Variants in DPP10 observed in about 807,000 individuals in gnomAD.
The protein encoded by DPP10 is dipeptidyl peptidase like 10.
Under a neutral mutation model 120.9 loss-of-function variants are expected in DPP10, and 33 were observed. The observed-to-expected ratio is 0.27, with a 90% CI of 0.21 to 0.37. DPP10 has a LOEUF of 0.37. Ranked by LOEUF, DPP10 falls within the 10% of genes least tolerant of loss-of-function variation. DPP10 has a pLI of 1.00. For synonymous variants in DPP10, 337 were observed against 326.1 expected, an observed-to-expected ratio of 1.03 and a Z score of -0.36; for missense variants, 816 against 942.8, an observed-to-expected ratio of 0.87 and a Z score of 1.76.
At chr2:114,733,569 G>A (rs1273881780) in intron 1 of DPP10, among the ~76,000 whole-genome samples, 1 of 152,036 alleles carries the variant, frequency 6.6e-6, no homozygotes, top group African/African-American at 2.4e-5. Context: ...TTGTTCTTTT[G>A]TTTAAAATGC....
chr2:114,735,636 CAA>C (rs1677354553), intron 1 of DPP10, among the ~76,000 whole-genome samples: 1 of 152,118 alleles, frequency 6.6e-6, no homozygotes, highest in Admixed American at 6.6e-5. Context: ...GCGTCACCCT[CAA>C]AGAGGTGAAA....
chr2:115,242,809 C>G (rs982031019), intron 1 of DPP10, among the ~76,000 whole-genome samples: 5 of 151,936 alleles, frequency 3.3e-5, no homozygotes, highest in African/African-American at 1.2e-4. Flanking sequence ...TTAGCTCCCA[C>G]TTATAACTGG....
intron 1 of DPP10, among the ~76,000 whole-genome samples, chr2:114,767,098 A>G (rs1279933049): frequency 6.9e-6 from 1 of 144,544 alleles, no homozygotes; most frequent in Non-Finnish European, 1.5e-5. Context: ...ACTACATCAA[A>G]ACTAGAAAAA....
chr2:114,742,005 A>G (rs1678114877), intron 1 of DPP10, among the ~76,000 whole-genome samples: 1 of 152,230 alleles, frequency 6.6e-6, no homozygotes, highest in Admixed American at 6.5e-5. Flanking sequence ...TCAACAAACC[A>G]GTTGCCTAAA....
intron 1 of DPP10, among the ~76,000 whole-genome samples, chr2:114,840,131 G>A (rs910617620): frequency 2.6e-5 from 4 of 152,180 alleles, no homozygotes; most frequent in African/African-American, 7.2e-5. Context: ...TCAGTATGCA[G>A]TATCAATTTT....
At chr2:114,742,473 C>A (rs576883019) in intron 1 of DPP10, among the ~76,000 whole-genome samples, 2 of 152,270 alleles carry the variant, frequency 1.3e-5, no homozygotes, top group African/African-American at 4.8e-5. Flanking sequence ...TCTTGCATCA[C>A]AATTAATAGC....
chr2:115,369,899 C>T (rs1018676521), intron 3 of DPP10, among the ~76,000 whole-genome samples: 2 of 152,008 alleles, frequency 1.3e-5, no homozygotes, highest in African/African-American at 4.8e-5. Flanking sequence ...TTATGTTAAT[C>T]CTTGTAAATC....
intron 1 of DPP10, among the ~76,000 whole-genome samples, chr2:114,591,348 A>T (rs951042947): frequency 1.1e-4 from 16 of 152,142 alleles, no homozygotes; most frequent in African/African-American, 3.9e-4. Context: ...TAGTAAAGCA[A>T]AGTCATGGGT....
chr2:114,581,631 C>T (rs1690535893), intron 1 of DPP10, among the ~76,000 whole-genome samples: 1 of 152,100 alleles, frequency 6.6e-6, no homozygotes, highest in Non-Finnish European at 1.5e-5. Flanking sequence ...TTTATAGTTA[C>T]TCTTTGGGAT....
intron 1 of DPP10, among the ~76,000 whole-genome samples, chr2:114,731,886 C>T (rs1268396694): frequency 6.6e-6 from 1 of 152,128 alleles, no homozygotes; most frequent in Non-Finnish European, 1.5e-5. Flanking sequence ...TAGGAGTGAT[C>T]ACTACAGCCT....
chr2:115,173,373 A>T (rs2053489314), intron 1 of DPP10, among the ~76,000 whole-genome samples: 2 of 152,356 alleles, frequency 1.3e-5, no homozygotes, highest in South Asian at 4.1e-4. Context: ...CCATCATGAT[A>T]TAAAATTGCT....
chr2:115,392,179 T>G (rs1025515527), intron 3 of DPP10, among the ~76,000 whole-genome samples: 5 of 143,336 alleles, frequency 3.5e-5, no homozygotes, highest in Middle Eastern at 7.0e-3. Flanking sequence ...AGTCTCGTAT[T>G]TTTATGCTTT....
intron 1 of DPP10, among the ~76,000 whole-genome samples, chr2:114,484,037 C>T (rs1681290093): frequency 6.6e-6 from 1 of 152,040 alleles, no homozygotes; most frequent in Non-Finnish European, 1.5e-5. Context: ...TGAGACTGGA[C>T]CTTATTTCTT....
intron 1 of DPP10, among the ~76,000 whole-genome samples, chr2:114,908,215 C>G (rs1236917598): frequency 6.6e-6 from 1 of 151,874 alleles, no homozygotes; most frequent in African/African-American, 2.4e-5. Flanking sequence ...AGCATATCTC[C>G]CTTCCAAAGT....
chr2:114,511,377 T>C (rs1684134154), intron 1 of DPP10, among the ~76,000 whole-genome samples: 2 of 152,196 alleles, frequency 1.3e-5, no homozygotes, highest in African/African-American at 4.8e-5. Context: ...AATTGGGTCC[T>C]CCAGTGTTGT....
chr2:115,128,691 G>A (rs555491900), intron 1 of DPP10, among the ~76,000 whole-genome samples: 1 of 152,232 alleles, frequency 6.6e-6, no homozygotes, highest in Admixed American at 6.5e-5. Context: ...AATTTTGTCA[G>A]CATCAAACTG....
intron 1 of DPP10, among the ~76,000 whole-genome samples, chr2:114,961,562 G>A (rs187473026): frequency 6.6e-6 from 1 of 152,230 alleles, no homozygotes; most frequent in Non-Finnish European, 1.5e-5. Flanking sequence ...TTATCACATT[G>A]TGATTGTACC....
intron 1 of DPP10, among the ~76,000 whole-genome samples, chr2:114,472,586 C>T (rs956190143): frequency 1.3e-5 from 2 of 152,074 alleles, no homozygotes; most frequent in Admixed American, 6.6e-5. Context: ...ATGCAGGCTG[C>T]GTCTCAGCCT....
intron 1 of DPP10, among the ~76,000 whole-genome samples, chr2:114,540,094 AAGAC>A (rs2104796793): frequency 6.6e-6 from 1 of 152,356 alleles, no homozygotes; most frequent in East Asian, 1.9e-4. Context: ...CATATTTTCA[AAGAC>A]AGATACCACC....
Sources: allele counts gnomAD v4.1 joint callset (sites outside exome capture counted in the v4.1 genomes callset), GRCh38; gene constraint gnomAD v4.1.1; transcripts MANE v1.5; gene names NCBI Gene and HGNC (gene_info 2026-07-23, HGNC 2026-07-21).